Variants in TTF1 observed in about 807,000 individuals in gnomAD.
TTF1 encodes transcription termination factor, RNA polymerase I.
A neutral mutation model predicts 80.2 loss-of-function variants in TTF1; 64 were observed. The observed-to-expected ratio is 0.80, with a 90% CI of 0.65 to 0.98. TTF1 has a LOEUF of 0.98. Among genes scored for constraint, TTF1 ranks in the 50% least tolerant of loss-of-function variants. The pLI is 0.00. For missense variants in TTF1, 1,023 were observed against 1,086.2 expected, an observed-to-expected ratio of 0.94 and a Z score of 0.82; for synonymous variants, 372 against 382.7, an observed-to-expected ratio of 0.97 and a Z score of 0.33.
chr9:132,383,663 C>T lies in TTF1; in HGVS notation c.2378+2893G>A, dbSNP rs534117911. On this transcript the variant is annotated intron_variant, in intron 9 of 10. Coordinates refer to ENST00000334270, the MANE Select transcript of TTF1 (RefSeq NM_007344.4). ...TTCATTTGCCTTTCTTGGGTGTCTTCGGTGGCAGGTGGGCTGGAGGGAGGG... is the reference window on the plus strand; with the variant it reads ...TTCATTTGCCTTTCTTGGGTGTCTTTGGTGGCAGGTGGGCTGGAGGGAGGG... Among the ~76,000 whole-genome samples the T allele has an allele frequency of 7.9e-5, 12 of 152,140 alleles. No individual in the cohort carries two copies. The South Asian group carries it at 1.5e-3, about 18-fold the overall frequency.
At chr9:132,404,453 T>C (rs1434017292) in intron 1 of TTF1, among the ~76,000 whole-genome samples, 2 of 152,178 alleles carry the variant, frequency 1.3e-5, no homozygotes, top group East Asian at 1.9e-4. Flanking sequence ...CCTTCCGTTA[T>C]AGGAAGGAAA....
chr9:132,406,600 C>CT (rs1317035255), intron 1 of TTF1, among the ~76,000 whole-genome samples, 190 bp downstream of exon 1: 1 of 65,948 alleles, frequency 1.5e-5, no homozygotes, highest in Admixed American at 1.7e-4. Flanking sequence ...AAAACTCCAT[C>CT]TTTAAAAAAA....
At position 132,386,635 on chromosome 9, in the gene TTF1, T is replaced by A; in HGVS notation, c.2313-14A>T. ...ATTTCATACAACCTGTGAGAAAAAA[T>A]AAAAATTAAATTTTCAAGCAAAAAT... On this transcript the variant is annotated splice_polypyrimidine_tract_variant and intron_variant, in intron 8 of 10. Coordinates refer to ENST00000334270, the MANE Select transcript of TTF1 (RefSeq NM_007344.4). 1 of 1,600,482 alleles carries A rather than the reference T, an allele frequency of 6.2e-7. No individual in the cohort carries two copies. The highest frequency in any genetic ancestry group is 8.6e-7 in the Non-Finnish European group (1 of 1,169,278).
chr9:132,399,552 T>C (rs1284376989), intron 3 of TTF1, among the ~76,000 whole-genome samples: 1 of 152,120 alleles, frequency 6.6e-6, no homozygotes, highest in Non-Finnish European at 1.5e-5. Flanking sequence ...AAAGGTTATT[T>C]ATTATTCTTA....
intron 3 of TTF1, 25 bp downstream of exon 3, chr9:132,400,010 A>G: frequency 2.5e-6 from 4 of 1,612,978 alleles, no homozygotes. Flanking sequence ...GAAGTTCAAC[A>G]AACACTAAGG....
In TTF1 at chr9:132,397,183, A is replaced by C. The variant is rs191395227; in HGVS notation, c.1778-672T>G. ...TTAAGAGGCAAAGTAGTTTTAAGAT[A>C]ATGTGAATTAAGAGGAAGAGAACAC... is the stretch of plus-strand genomic sequence containing the variant. On this transcript the variant is annotated intron_variant, in intron 4 of 10. Transcript: ENST00000334270. Among the ~76,000 whole-genome samples, 83 of 152,328 alleles carry C rather than the reference A, an allele frequency of 5.4e-4. No individual in the cohort carries two copies. The Middle Eastern group carries it at 0.017, about 31-fold the overall frequency.
chr9:132,390,672 A>G lies in TTF1; in HGVS notation c.2147T>C (p.Leu716Pro). The G allele has an allele frequency of 6.2e-7, 1 of 1,614,208 alleles. No homozygotes were observed. Among genetic ancestry groups the G allele is most frequent in the Non-Finnish European group, 8.5e-7 (1 of 1,180,050 alleles). Residue 716 changes from leucine to proline, a missense_variant, in exon 7 of 11, where the codon CTC becomes CCC. Transcript: ENST00000334270. ...ESCLSIVREK[L>P]YKGISWVEVE... ...TTCTACCCAAGATATGCCCTTGTAGAGTTTTTCCCGAACAATTGATAGGCA... is the reference window on the plus strand; with the variant it reads ...TTCTACCCAAGATATGCCCTTGTAGGGTTTTTCCCGAACAATTGATAGGCA...
chr9:132,388,281 T>A, intron 7 of TTF1, 53 bp from the exon 8 acceptor site: 1 of 1,284,320 alleles, frequency 7.8e-7, no homozygotes, highest in Non-Finnish European at 1.1e-6. Context: ...GAGTTTTCAT[T>A]AAAATATCCT....
chr9:132,384,219 GA>G lies in TTF1; in HGVS notation c.2378+2336del, dbSNP rs1161439752. Among the ~76,000 whole-genome samples, 3 of 152,016 alleles carry G rather than the reference GA, an allele frequency of 2.0e-5. No individual in the cohort carries two copies. Among genetic ancestry groups the G allele is most frequent in the South Asian group, 2.1e-4 (1 of 4,820 alleles). ...CTAAAATTTTCCTAATAAAGTTTCT[GA>G]AAAAAATAATTGGGCATTGCTAATA... On this transcript the variant is annotated intron_variant, in intron 9 of 10. Coordinates refer to ENST00000334270, the MANE Select transcript of TTF1 (RefSeq NM_007344.4). The surrounding 1 kb of genome is among the most constrained non-coding windows in gnomAD (Gnocchi z 4.1).
intron 3 of TTF1, among the ~76,000 whole-genome samples, chr9:132,399,426 G>T (rs932050844): frequency 6.6e-6 from 1 of 151,894 alleles, no homozygotes; most frequent in Non-Finnish European, 1.5e-5. Context: ...ATGACCAGTT[G>T]TATTGGGTCT....
At chr9:132,390,240 A>G (rs1849536482) in intron 7 of TTF1, among the ~76,000 whole-genome samples, 1 of 152,212 alleles carries the variant, frequency 6.6e-6, no homozygotes, top group Non-Finnish European at 1.5e-5. Flanking sequence ...TCAGCCTCCC[A>G]AAGTGTTGGG....
At chr9:132,379,016 CAA>C in intron 10 of TTF1, 41 bp downstream of exon 10, 1 of 1,463,366 alleles carries the variant, frequency 6.8e-7, no homozygotes, top group African/African-American at 1.4e-5. Flanking sequence ...CATGTGGCAC[CAA>C]ATGCCATGTT....
At chr9:132,404,322 G>C (rs945289497) in intron 1 of TTF1, among the ~76,000 whole-genome samples, 1 of 151,996 alleles carries the variant, frequency 6.6e-6, no homozygotes, top group Non-Finnish European at 1.5e-5. Context: ...GTAAATATCA[G>C]CTGTATTAGA....
At chr9:132,389,227 G>A (rs1276588109) in intron 7 of TTF1, among the ~76,000 whole-genome samples, 1 of 150,510 alleles carries the variant, frequency 6.6e-6, no homozygotes, top group Non-Finnish European at 1.5e-5. Context: ...CTGTCGCTGG[G>A]GCTGGAGTGC....
intron 10 of TTF1, among the ~76,000 whole-genome samples, chr9:132,377,797 T>TGTGGATGTGGTGTGA (rs1337989656): frequency 8.6e-6 from 1 of 116,054 alleles, no homozygotes; most frequent in Admixed American, 9.0e-5. Context: ...ATGTGGTGTG[T>TGTGGATGTGGTGTGA]GTGCATGTGG....
chr9:132,386,444 C>G, intron 9 of TTF1, 112 bp downstream of exon 9: 1 of 958,622 alleles, frequency 1.0e-6, no homozygotes, highest in South Asian at 1.5e-5. Context: ...ACCACTTATA[C>G]AAAATTCCAA....
chr9:132,389,612 T>G (rs1486645329), intron 7 of TTF1, among the ~76,000 whole-genome samples: 1 of 152,216 alleles, frequency 6.6e-6, no homozygotes, highest in African/African-American at 2.4e-5. Flanking sequence ...AGTTTGCTTT[T>G]AACACAAAAT....
At position 132,401,767 on chromosome 9, in the gene TTF1, C is replaced by A; in HGVS notation, c.1055G>T (p.Ser352Ile). The A allele has an allele frequency of 6.2e-7, 1 of 1,614,014 alleles. No individual in the cohort carries two copies. Among genetic ancestry groups the A allele is most frequent in the Non-Finnish European group, 8.5e-7 (1 of 1,180,010 alleles). Residue 352 changes from serine to isoleucine, a missense_variant, in exon 2 of 11, where the codon AGC (serine) becomes ATC (isoleucine). By Grantham distance (142) the Ser-to-Ile change is moderately radical (BLOSUM62 -2). Coordinates refer to ENST00000334270, the MANE Select transcript of TTF1 (RefSeq NM_007344.4). ...TCCTTCAGGGTATGCACTCTCGAGG[C>A]TCTCAGGCATGGCCACTGCCTCAAA... ...QEFEAVAMPE[S>I]LESAYPEGSQ...
Position 132,384,864 on chromosome 9 carries a change from C to T in TTF1, c.2378+1692G>A, listed in dbSNP as rs1849432382. 1.3e-5 allele frequency among the ~76,000 whole-genome samples: 2 copies of T among 152,152 alleles called. 1 individual carries two copies. The highest frequency in any genetic ancestry group is 4.1e-4 in the South Asian group (2 of 4,824). On this transcript the variant is annotated intron_variant, in intron 9 of 10. Coordinates refer to ENST00000334270, the MANE Select transcript of TTF1 (RefSeq NM_007344.4). The surrounding 1 kb of genome is among the most constrained non-coding windows in gnomAD (Gnocchi z 4.1). ...AGAGACGGAGTTGAACCATGTTGGC[C>T]AGGCTGGTCTTGAACTCCTGACCTC...
Sources: allele counts gnomAD v4.1 joint callset (sites outside exome capture counted in the v4.1 genomes callset), GRCh38; gene constraint gnomAD v4.1.1; non-coding constraint Gnocchi (gnomAD v3.1); transcripts MANE v1.5; gene names NCBI Gene and HGNC (gene_info 2026-07-23, HGNC 2026-07-21).